The following PRKN variants were observed in gnomAD, a reference collection of about 807,000 sequenced individuals.
The protein encoded by PRKN is E3 ubiquitin-protein ligase parkin.
A neutral mutation model predicts 59.5 loss-of-function variants in PRKN; 56 were observed. That is an observed-to-expected ratio of 0.94 (90% CI 0.76 to 1.18). The LOEUF (loss-of-function observed/expected upper bound fraction) is 1.18, where lower values mean the gene tolerates loss of function less well. PRKN is among the 50% of genes most tolerant of loss of function. The pLI, the probability that PRKN is intolerant of heterozygous loss-of-function variation, is 0.00. For missense variants in PRKN, 657 were observed against 596.4 expected (o/e 1.10, Z -1.06); for synonymous variants, 250 against 222.1 (o/e 1.13, Z -1.12).
intron 1 of PRKN, among the ~76,000 whole-genome samples, chr6:162,620,353 TTA>T (rs1465853275): frequency 2.6e-5 from 4 of 152,142 alleles, no homozygotes; most frequent in Non-Finnish European, 5.9e-5. Flanking sequence ...GTTAATTACA[TTA>T]TTTTTTTTCT....
At position 161,353,774 on chromosome 6, in the gene PRKN, C is replaced by A. The variant is rs1784650256; in HGVS notation, c.1286-3563G>T. 6.6e-6 allele frequency among the ~76,000 whole-genome samples: 1 copy of A among 152,164 alleles called. No homozygotes were observed. Among genetic ancestry groups the A allele is most frequent in the Non-Finnish European group, 1.5e-5 (1 of 68,044 alleles). The stretch of plus-strand genomic sequence containing the variant: ...AACTTCCGGAAGCCCAGACTTGAGA[C>A]CGGTGAGTGGCAGTCCTGTGGGACT... On this transcript the variant is annotated intron_variant, in intron 11 of 11. Coordinates refer to ENST00000366898, the MANE Select transcript of PRKN (RefSeq NM_004562.3). The surrounding 1 kb of genome is among the most constrained non-coding windows in gnomAD (Gnocchi z 4.8).
Position 162,462,220 on chromosome 6 carries a change from T to C in PRKN, c.8-18747A>G, listed in dbSNP as rs550926818. ...ACAACATGTTAACTAATCAAAAATA[T>C]CCTGGCTATCACAAAATTCAAAAGG... On this transcript the variant is annotated intron_variant, in intron 1 of 11. Transcript: ENST00000366898. Among the ~76,000 whole-genome samples the C allele has an allele frequency of 2.1e-4, 32 of 152,310 alleles. No homozygotes were observed. The East Asian group carries it at 6.0e-3, about 28-fold the overall frequency.
intron 1 of PRKN, among the ~76,000 whole-genome samples, chr6:162,462,539 G>A (rs995637139): frequency 1.3e-5 from 2 of 152,036 alleles, no homozygotes; most frequent in African/African-American, 2.4e-5. Flanking sequence ...GGATGTGTGC[G>A]TACATGTATA....
At chr6:162,606,553 T>C (rs528834926) in intron 1 of PRKN, among the ~76,000 whole-genome samples, 62 of 152,326 alleles carry the variant, frequency 4.1e-4, no homozygotes, top group African/African-American at 1.5e-3. Flanking sequence ...GGACTGTCTG[T>C]AGTTCAGTCA....
At chr6:162,664,129 T>C (rs1779004942) in intron 1 of PRKN, among the ~76,000 whole-genome samples, 4 of 152,206 alleles carry the variant, frequency 2.6e-5, no homozygotes, top group Admixed American at 2.6e-4. Context: ...CACCTATGAG[T>C]GGGAACATGC....
chr6:162,006,013 C>T (rs950400537), intron 5 of PRKN, among the ~76,000 whole-genome samples: 2 of 151,972 alleles, frequency 1.3e-5, no homozygotes, highest in African/African-American at 4.8e-5. Context: ...AAAAAGCATA[C>T]TAAAAATTGC....
intron 6 of PRKN, among the ~76,000 whole-genome samples, chr6:161,802,604 C>G (rs1359860440): frequency 6.6e-6 from 1 of 152,192 alleles, no homozygotes; most frequent in African/African-American, 2.4e-5. Context: ...TCCTGCAGCT[C>G]TTCCAATGTC....
chr6:161,912,891 G>A (rs1314007634), intron 6 of PRKN, among the ~76,000 whole-genome samples: 2 of 152,110 alleles, frequency 1.3e-5, no homozygotes, highest in Non-Finnish European at 1.5e-5. Context: ...AAAGACATGG[G>A]ATAGGCCGGG....
rs990297542 is a variant in PRKN at position 161,498,836 on chromosome 6, C to T, written c.1083+50018G>A. Among the ~76,000 whole-genome samples the T allele has an allele frequency of 2.0e-5, 3 of 152,150 alleles. No individual in the cohort carries two copies. Among genetic ancestry groups the T allele is most frequent in the Non-Finnish European group, 4.4e-5 (3 of 68,034 alleles). On this transcript the variant is annotated intron_variant, in intron 9 of 11. Transcript: ENST00000366898. This position sits in a 1 kb window ranked among gnomAD's most constrained non-coding sequence, Gnocchi z 4.2. ...CCAGGATATTCTTTGGGAATTCTAG[C>T]GGCTACATTCTATTTTTCAAGTGAA...
At chr6:161,425,811 C>T (rs756104399) in intron 9 of PRKN, among the ~76,000 whole-genome samples, 24 of 152,148 alleles carry the variant, frequency 1.6e-4, no homozygotes, top group Admixed American at 9.2e-4. Context: ...ATAGACGAGA[C>T]GCCTTGCCAC....
At chr6:162,314,455 T>C (rs1009031975) in intron 2 of PRKN, among the ~76,000 whole-genome samples, 10 of 152,118 alleles carry the variant, frequency 6.6e-5, no homozygotes, top group African/African-American at 2.4e-4. Flanking sequence ...ACTGTTCTAA[T>C]TTTGCCCTTT....
chr6:161,933,957 A>T (rs1199822270), intron 6 of PRKN, among the ~76,000 whole-genome samples: 1 of 152,212 alleles, frequency 6.6e-6, no homozygotes, highest in African/African-American at 2.4e-5. Flanking sequence ...CCACTTGGAG[A>T]GTGAATTGGA....
chr6:161,369,401 C>T lies in PRKN; in HGVS notation c.1168-9196G>A, dbSNP rs543743877. Among the ~76,000 whole-genome samples the T allele has an allele frequency of 2.0e-5, 3 of 152,236 alleles. No individual in the cohort carries two copies. Among genetic ancestry groups the T allele is most frequent in the Admixed American group, 1.3e-4 (2 of 15,288 alleles). ...TGGGAACCATTCATCCTCTGGAGGG[C>T]GATTCTCCCTTTGCGCCTGAAGAGG... is the stretch of plus-strand genomic sequence containing the variant. On this transcript the variant is annotated intron_variant, in intron 10 of 11. Coordinates refer to ENST00000366898, the MANE Select transcript of PRKN (RefSeq NM_004562.3). This position sits in a 1 kb window ranked among gnomAD's most constrained non-coding sequence, Gnocchi z 5.8.
chr6:161,662,975 A>G (rs1048275053), intron 7 of PRKN, among the ~76,000 whole-genome samples: 1 of 152,146 alleles, frequency 6.6e-6, no homozygotes, highest in African/African-American at 2.4e-5. Context: ...GTAGGAGGTA[A>G]GTGAATCATA....
intron 2 of PRKN, among the ~76,000 whole-genome samples, chr6:162,412,812 T>C (rs1258361795): frequency 9.9e-5 from 15 of 152,172 alleles, no homozygotes; most frequent in Non-Finnish European, 1.5e-4. Flanking sequence ...GTATAAGAAA[T>C]ACAAGTATCC....
At chr6:162,195,168 G>C (rs1784440814) in intron 4 of PRKN, among the ~76,000 whole-genome samples, 2 of 152,220 alleles carry the variant, frequency 1.3e-5, no homozygotes, top group African/African-American at 4.8e-5. Flanking sequence ...CACTCTCACT[G>C]TCGGGACATC....
chr6:161,750,951 G>C (rs1788667835), intron 7 of PRKN, among the ~76,000 whole-genome samples: 1 of 152,012 alleles, frequency 6.6e-6, no homozygotes, highest in Non-Finnish European at 1.5e-5. Context: ...TAGCAATGTG[G>C]AATAGAAAGA....
rs1787086162 is a variant in PRKN at position 161,402,294 on chromosome 6, A to G, written c.1084-15417T>C. On this transcript the variant is annotated intron_variant, in intron 9 of 11. Coordinates refer to ENST00000366898, the MANE Select transcript of PRKN (RefSeq NM_004562.3). This position sits in a 1 kb window ranked among gnomAD's most constrained non-coding sequence, Gnocchi z 4.5. ...ATTATAAAATAAAACCCAGACTTATAAGACTCTTCCCCTGCCTAAGTTTTC... is the reference window on the plus strand; with the variant it reads ...ATTATAAAATAAAACCCAGACTTATGAGACTCTTCCCCTGCCTAAGTTTTC... 6.6e-6 allele frequency among the ~76,000 whole-genome samples: 1 copy of G among 152,178 alleles called. No homozygotes were observed. Among genetic ancestry groups the G allele is most frequent in the Non-Finnish European group, 1.5e-5 (1 of 68,046 alleles).
intron 6 of PRKN, among the ~76,000 whole-genome samples, chr6:161,936,209 A>ATTTTT (rs1203820292): frequency 7.3e-6 from 1 of 137,092 alleles, no homozygotes; most frequent in Non-Finnish European, 1.6e-5. Flanking sequence ...TCATGGCAAC[A>ATTTTT]TTTTTTTTTT....
Sources: allele counts gnomAD v4.1 joint callset (sites outside exome capture counted in the v4.1 genomes callset), GRCh38; gene constraint gnomAD v4.1.1; non-coding constraint Gnocchi (gnomAD v3.1); transcripts MANE v1.5; gene names NCBI Gene and HGNC (gene_info 2026-07-23, HGNC 2026-07-21).